Variants in KIZ observed in about 807,000 individuals in gnomAD.
KIZ encodes centrosomal protein kizuna.
KIZ carries 68 observed loss-of-function variants against 79.6 expected under a neutral mutation model. The ratio of observed to expected loss-of-function variants is 0.85; its 90% confidence interval spans 0.70 to 1.05. The LOEUF (loss-of-function observed/expected upper bound fraction) is 1.05. Among genes scored for constraint, KIZ ranks in the 50% least tolerant of loss-of-function variants. The pLI is 0.00. For missense variants in KIZ, 797 were observed against 800.4 expected (o/e 1.00, Z 0.05); for synonymous variants, 280 against 281.8 (o/e 0.99, Z 0.06).
Position 21,145,670 on chromosome 20 carries a change from G to T in KIZ, c.405+16G>T. The T allele has an allele frequency of 8.5e-7, 1 of 1,175,660 alleles. No homozygotes were observed. Among genetic ancestry groups the T allele is most frequent in the South Asian group, 1.5e-5 (1 of 65,746 alleles). 72.8% of individuals were successfully genotyped at this position (1,175,660 alleles called of 1,614,324 possible). ...CAGAGAAAAGGTAATAAACTAAATT[G>T]GTAACCTTTCTGTTAACAGAGGAAT... On this transcript the variant is annotated intron_variant, in intron 4 of 12. Coordinates refer to ENST00000619189, the MANE Select transcript of KIZ (RefSeq NM_018474.6).
At chr20:21,136,252 T>C (rs1249927938) in intron 2 of KIZ, 138 bp from the exon 3 acceptor site, 2 of 576,984 alleles carry the variant, frequency 3.5e-6, no homozygotes, top group Non-Finnish European at 3.1e-6. Flanking sequence ...TATATACATT[T>C]TGTTGTTTGG....
chr20:21,226,915 G>C (rs1317587419), intron 9 of KIZ, among the ~76,000 whole-genome samples: 1 of 152,184 alleles, frequency 6.6e-6, no homozygotes, highest in African/African-American at 2.4e-5. Flanking sequence ...GAAGTGGTGG[G>C]CTCTGGTTGC....
intron 6 of KIZ, among the ~76,000 whole-genome samples, chr20:21,180,567 A>G (rs2034616476): frequency 6.6e-6 from 1 of 152,152 alleles, no homozygotes; most frequent in South Asian, 2.1e-4. Flanking sequence ...ACTTCTTTCA[A>G]TACGAATTTG....
upstream of KIZ, chr20:21,126,065 C>T (rs994045887): frequency 7.1e-6 from 10 of 1,405,880 alleles, no homozygotes; most frequent in Non-Finnish European, 8.4e-6. Context: ...TCGGCAACCC[C>T]GGCCGAACGG....
At chr20:21,228,984 A>G in intron 9 of KIZ, 27 bp from the exon 10 acceptor site, 1 of 1,313,072 alleles carries the variant, frequency 7.6e-7, no homozygotes, top group South Asian at 1.2e-5. Flanking sequence ...AAAATGTAAT[A>G]TTTCTGTGTT....
chr20:21,145,009 T>G (rs904438723), intron 3 of KIZ, among the ~76,000 whole-genome samples: 3 of 152,180 alleles, frequency 2.0e-5, no homozygotes, highest in Non-Finnish European at 4.4e-5. Flanking sequence ...CCAGAGCAAA[T>G]TGGTTTCTGA....
At chr20:21,178,481 T>C (rs1366191327) in intron 6 of KIZ, among the ~76,000 whole-genome samples, 2 of 150,632 alleles carry the variant, frequency 1.3e-5, no homozygotes, top group African/African-American at 2.4e-5. Flanking sequence ...TGCATCTGTG[T>C]GTGTATGTGA....
intron 6 of KIZ, among the ~76,000 whole-genome samples, chr20:21,177,198 C>T (rs2034472138): frequency 6.6e-6 from 1 of 152,180 alleles, no homozygotes; most frequent in African/African-American, 2.4e-5. Flanking sequence ...ATTTTACACT[C>T]CCACCAACAG....
At chr20:21,204,925 T>C (rs969743327) in intron 6 of KIZ, among the ~76,000 whole-genome samples, 1 of 152,170 alleles carries the variant, frequency 6.6e-6, no homozygotes, top group Non-Finnish European at 1.5e-5. Context: ...AGACTGACCA[T>C]CTATGCAGTG....
intron 6 of KIZ, among the ~76,000 whole-genome samples, chr20:21,165,531 G>A (rs1037636145): frequency 5.3e-5 from 8 of 152,224 alleles, no homozygotes; most frequent in Non-Finnish European, 2.9e-5. Flanking sequence ...GAGAAGGACA[G>A]TGTGATGAGG....
intron 6 of KIZ, among the ~76,000 whole-genome samples, chr20:21,171,040 A>G (rs1428027220): frequency 3.9e-5 from 6 of 152,214 alleles, no homozygotes; most frequent in Non-Finnish European, 5.9e-5. Context: ...TGGCTGTGCC[A>G]TTTTGCATTA....
At chr20:21,191,454 T>G (rs898179024) in intron 6 of KIZ, among the ~76,000 whole-genome samples, 1 of 152,206 alleles carries the variant, frequency 6.6e-6, no homozygotes, top group African/African-American at 2.4e-5. Context: ...CAGGAAAGGT[T>G]GTTTTGAGTC....
At chr20:21,215,885 G>T (rs143728172) in intron 9 of KIZ, among the ~76,000 whole-genome samples, 2 of 152,304 alleles carry the variant, frequency 1.3e-5, no homozygotes, top group African/African-American at 2.4e-5. Context: ...ATTTACACCT[G>T]TAACATCCTC....
chr20:21,203,774 A>G (rs1287153741), intron 6 of KIZ, among the ~76,000 whole-genome samples: 1 of 152,070 alleles, frequency 6.6e-6, no homozygotes, highest in Non-Finnish European at 1.5e-5. Context: ...TTTAAAATTT[A>G]TTTCTATTTT....
At chr20:21,154,740 T>C (rs1323445960) in intron 4 of KIZ, among the ~76,000 whole-genome samples, 1 of 152,218 alleles carries the variant, frequency 6.6e-6, no homozygotes, top group Non-Finnish European at 1.5e-5. Context: ...TGGCATTCTG[T>C]TTTCAGCTTC....
At chr20:21,133,985 A>C (rs1356686534) in intron 2 of KIZ, among the ~76,000 whole-genome samples, 1 of 152,192 alleles carries the variant, frequency 6.6e-6, no homozygotes, top group Non-Finnish European at 1.5e-5. Flanking sequence ...TTACACATCT[A>C]GGCTTTTCCA....
intron 11 of KIZ, among the ~76,000 whole-genome samples, chr20:21,242,398 A>C (rs1220032980): frequency 6.6e-6 from 1 of 152,196 alleles, no homozygotes; most frequent in Admixed American, 6.5e-5. Flanking sequence ...GCTCACTCTC[A>C]TTGCCTAGTG....
chr20:21,143,954 C>T (rs940039583), intron 3 of KIZ: 1 of 152,188 alleles, frequency 6.6e-6, no homozygotes, highest in African/African-American at 2.4e-5. Flanking sequence ...ATTAATTTAT[C>T]ATTGTATCTC....
At chr20:21,191,644 T>A (rs1293950040) in intron 6 of KIZ, among the ~76,000 whole-genome samples, 1 of 152,206 alleles carries the variant, frequency 6.6e-6, no homozygotes, top group Admixed American at 6.5e-5. Flanking sequence ...GGTTTAAAAA[T>A]TAAAATAACT....
Sources: allele counts gnomAD v4.1 joint callset (sites outside exome capture counted in the v4.1 genomes callset), GRCh38; gene constraint gnomAD v4.1.1; transcripts MANE v1.5; gene names NCBI Gene and HGNC (gene_info 2026-07-23, HGNC 2026-07-21).